SDC3: variants seen among roughly 807,000 people sequenced by gnomAD.
The protein encoded by SDC3 is syndecan-3.
Under a neutral mutation model 24.4 loss-of-function variants are expected in SDC3, and 13 were observed. The observed-to-expected ratio is 0.53, with a 90% CI of 0.35 to 0.85. The LOEUF (loss-of-function observed/expected upper bound fraction) is 0.85. SDC3 is among the 40% of genes least tolerant of loss of function. The probability of loss-of-function intolerance (pLI) is 0.01; values close to 1 mark genes in which losing one functional copy is unlikely to be tolerated. For missense variants in SDC3, 571 were observed against 584.5 expected (o/e 0.98, Z 0.24); for synonymous variants, 295 against 260.9 (o/e 1.13, Z -1.26).
chr1:30,880,334 G>A (rs529979738), intron 1 of SDC3, among the ~76,000 whole-genome samples: 9 of 146,300 alleles, frequency 6.2e-5, no homozygotes, highest in African/African-American at 1.8e-4. Flanking sequence ...ACAGAGAGTC[G>A]AGGACTGAGG....
At chr1:30,907,891 C>A (rs1638558365) in intron 1 of SDC3, among the ~76,000 whole-genome samples, 2 of 152,224 alleles carry the variant, frequency 1.3e-5, no homozygotes, top group African/African-American at 4.8e-5. Context: ...CAAATGCACA[C>A]CCTCCCCTCG....
intron 1 of SDC3, among the ~76,000 whole-genome samples, chr1:30,893,051 G>A (rs781174667): frequency 4.6e-5 from 7 of 152,130 alleles, no homozygotes; most frequent in South Asian, 2.1e-4. Flanking sequence ...ATGCCCAAAC[G>A]CCCTCTTTCC....
At chr1:30,906,785 G>A (rs1354271851) in intron 1 of SDC3, among the ~76,000 whole-genome samples, 1 of 152,214 alleles carries the variant, frequency 6.6e-6, no homozygotes, top group African/African-American at 2.4e-5. Context: ...CCAGGGTTGT[G>A]TGATTCCCAA....
At chr1:30,892,144 T>G (rs530693696) in intron 1 of SDC3, among the ~76,000 whole-genome samples, 3 of 151,940 alleles carry the variant, frequency 2.0e-5, no homozygotes, top group South Asian at 4.2e-4. Flanking sequence ...TCCAAACACC[T>G]GCCAGGGCTC....
intron 1 of SDC3, among the ~76,000 whole-genome samples, chr1:30,887,413 G>A (rs775980648): frequency 2.4e-4 from 37 of 152,076 alleles, no homozygotes; most frequent in African/African-American, 6.5e-4. Flanking sequence ...CCTATGAAAC[G>A]GGAATAATGA....
At chr1:30,887,372 C>A (rs1639845346) in intron 1 of SDC3, among the ~76,000 whole-genome samples, 1 of 152,140 alleles carries the variant, frequency 6.6e-6, no homozygotes, top group Non-Finnish European at 1.5e-5. Flanking sequence ...CTGGTCACAT[C>A]CCTTCGCCTC....
rs910292732 is a variant in SDC3 at position 30,902,344 on chromosome 1, A to C, written c.138+6105T>G. On this transcript the variant is annotated intron_variant, in intron 1 of 4. Coordinates refer to ENST00000339394, the MANE Select transcript of SDC3 (RefSeq NM_014654.4). The stretch of plus-strand genomic sequence containing the variant: ...TTTGGCGCTGAGACTGGGCTTGGCC[A>C]GTGGGGGAGGGGAGTGGCTGCCCCT... Among the ~76,000 whole-genome samples, 23 of 152,154 alleles carry C rather than the reference A, an allele frequency of 1.5e-4. No individual in the cohort carries two copies. In the East Asian group the frequency reaches 3.9e-3, roughly 26 times the overall value.
intron 1 of SDC3, among the ~76,000 whole-genome samples, chr1:30,901,932 G>A (rs2124343532): frequency 6.6e-6 from 1 of 152,298 alleles, no homozygotes; most frequent in East Asian, 1.9e-4. Context: ...AAGAAGAGGA[G>A]ACTGCGGGTT....
At chr1:30,901,270 G>A (rs1182535433) in intron 1 of SDC3, among the ~76,000 whole-genome samples, 2 of 152,308 alleles carry the variant, frequency 1.3e-5, no homozygotes, top group East Asian at 3.9e-4. Flanking sequence ...GCTGTGGGAT[G>A]TCAGGCTGTA....
intron 1 of SDC3, among the ~76,000 whole-genome samples, chr1:30,882,805 G>A (rs1213234473): frequency 1.3e-5 from 2 of 152,162 alleles, no homozygotes; most frequent in Non-Finnish European, 2.9e-5. Flanking sequence ...GGTCAGCACA[G>A]AGGCAAAGCA....
chr1:30,884,858 G>A (rs566482839), intron 1 of SDC3, among the ~76,000 whole-genome samples: 3 of 152,280 alleles, frequency 2.0e-5, no homozygotes, highest in East Asian at 1.9e-4. Flanking sequence ...CATACTGAAC[G>A]ACAGGGGACG....
Position 30,907,856 on chromosome 1 carries a change from C to G in SDC3, c.138+593G>C, listed in dbSNP as rs12070724. Reference sequence around the variant, plus strand: ...CCCTTCCCGGGCCCACTGCCCTGGCCGGCTGCCGCGACCCTGGGAAGAACC... The same window carrying G: ...CCCTTCCCGGGCCCACTGCCCTGGCGGGCTGCCGCGACCCTGGGAAGAACC... On this transcript the variant is annotated intron_variant, in intron 1 of 4. Coordinates refer to ENST00000339394, the MANE Select transcript of SDC3 (RefSeq NM_014654.4). 2.4e-3 allele frequency among the ~76,000 whole-genome samples: 367 copies of G among 152,328 alleles called. 2 individuals are homozygous for G. The highest frequency in any genetic ancestry group is 8.2e-3 in the African/African-American group (339 of 41,584).
At chr1:30,903,159 G>A (rs556834140) in intron 1 of SDC3, among the ~76,000 whole-genome samples, 106 of 152,266 alleles carry the variant, frequency 7.0e-4, no homozygotes, top group African/African-American at 2.5e-3. Context: ...AGAGAATCTT[G>A]GCTGCAATGG....
rs1168988475 is a variant in SDC3 at position 30,870,804 on chromosome 1, G to A, written c.*2407C>T. On this transcript the variant is annotated 3_prime_UTR_variant, in exon 5 of 5. Coordinates refer to ENST00000339394, the MANE Select transcript of SDC3 (RefSeq NM_014654.4). The stretch of plus-strand genomic sequence containing the variant: ...GCCCTACTGAGAAACTGCACCCACT[G>A]TTGGGTCTCCCACCTGGGGTCCAGC... 1 of 152,430 alleles carries A rather than the reference G, an allele frequency of 6.6e-6. No homozygotes were observed. The highest frequency in any genetic ancestry group is 2.4e-5 in the African/African-American group (1 of 41,468). The allele number at this position is 152,430 out of a possible 1,614,324, so 9.4% of individuals were successfully genotyped here.
Position 30,908,481 on chromosome 1 carries a change from GCA to G in SDC3, c.104_105del (p.Leu35ProfsTer18). ...PGARGLLLPP[L>X]LLLLLAGRAA... ...GCGCGCCCCGCCAGCAGCAGCAGCA[GCA>G]GCGGTGGCAGGAGCAGCCCGCGGGC... On this transcript the variant is annotated frameshift_variant, in exon 1 of 5. Coordinates refer to ENST00000339394, the MANE Select transcript of SDC3 (RefSeq NM_014654.4). LOFTEE classifies it high-confidence loss of function. The G allele has an allele frequency of 9.8e-7, 1 of 1,022,346 alleles. No individual in the cohort carries two copies. The highest frequency in any genetic ancestry group is 5.2e-5 in the Admixed American group (1 of 19,094). The allele number at this position is 1,022,346 out of a possible 1,614,324, so 63.3% of individuals were successfully genotyped here. A position where few individuals can be genotyped will look rare whatever the true frequency, so the allele number is the denominator to read the frequency against.
In SDC3 at chr1:30,873,045, G is replaced by T. The variant is rs3766285; in HGVS notation, c.*166C>A. 6 of 643,350 alleles carry T rather than the reference G, an allele frequency of 9.3e-6. No individual in the cohort carries two copies. The highest frequency in any genetic ancestry group is 1.8e-5 in the African/African-American group (1 of 55,158). The allele number at this position is 643,350 out of a possible 1,614,324, so 39.9% of individuals were successfully genotyped here. A position where few individuals can be genotyped will look rare whatever the true frequency, so the allele number is the denominator to read the frequency against. On this transcript the variant is annotated 3_prime_UTR_variant, in exon 5 of 5. Transcript: ENST00000339394. ...CAGATGGCAGCAGCCCCTCTTCCTCGGGGAAGATCTGTGTGAGGCTGGCAG... is the reference window on the plus strand; with the variant it reads ...CAGATGGCAGCAGCCCCTCTTCCTCTGGGAAGATCTGTGTGAGGCTGGCAG...
In SDC3 at chr1:30,901,242, G is replaced by C. The variant is rs905806596; in HGVS notation, c.138+7207C>G. On this transcript the variant is annotated intron_variant, in intron 1 of 4. Transcript: ENST00000339394. ...CCCCAATCCATTGGCAAGGCCCCAG[G>C]CTGTGGCTGGGCCATCAGCTGTGGG... is the stretch of plus-strand genomic sequence containing the variant. 1.5e-4 allele frequency among the ~76,000 whole-genome samples: 23 copies of C among 152,310 alleles called. 1 individual carries two copies. The highest frequency in any genetic ancestry group is 1.5e-3 in the Admixed American group (23 of 15,302).
chr1:30,881,027 G>GCA (rs146814082), intron 1 of SDC3, among the ~76,000 whole-genome samples: 4,165 of 134,408 alleles, frequency 0.031, 72 homozygotes, highest in South Asian at 0.047. Context: ...GCGCACGCAT[G>GCA]CACACACACA....
chr1:30,908,370 G>T (rs1638573735), intron 1 of SDC3, 79 bp downstream of exon 1: 2 of 861,672 alleles, frequency 2.3e-6, no homozygotes, highest in South Asian at 1.0e-4. Context: ...CGGAGGGGGG[G>T]TCGCGGGCGG....
Sources: allele counts gnomAD v4.1 joint callset (sites outside exome capture counted in the v4.1 genomes callset), GRCh38; gene constraint gnomAD v4.1.1; transcripts MANE v1.5; gene names NCBI Gene and HGNC (gene_info 2026-07-23, HGNC 2026-07-21).